ZNF574: variants seen among roughly 807,000 people sequenced by gnomAD.
ZNF574 encodes zinc finger protein 574.
A neutral mutation model predicts 56.6 loss-of-function variants in ZNF574; 25 were observed. The ratio of observed to expected loss-of-function variants is 0.44; its 90% confidence interval spans 0.32 to 0.62. The LOEUF (loss-of-function observed/expected upper bound fraction) is 0.62. Among genes scored for constraint, ZNF574 ranks in the 20% least tolerant of loss-of-function variants. The probability of loss-of-function intolerance (pLI) is 0.04; values close to 1 mark genes in which losing one functional copy is unlikely to be tolerated. For synonymous variants in ZNF574, 543 were observed against 492.1 expected (o/e 1.10, Z -1.37); for missense variants, 1,065 against 1,218.9 (o/e 0.87, Z 1.88).
At chr19:42,069,241 G>A (rs1353682192) in intron 1 of ZNF574, 2 of 279,668 alleles carry the variant, frequency 7.2e-6, no homozygotes, top group Admixed American at 5.3e-5. Context: ...AGACACTCAC[G>A]GATCCTGGTG....
In ZNF574 at chr19:42,081,544, T is replaced by G; in HGVS notation, c.*247T>G. On this transcript the variant is annotated 3_prime_UTR_variant, in exon 2 of 2. Transcript: ENST00000359044. ...AATGAAACCATCAATAAAGACTGAG[T>G]TGCCAGCAGTGTGTAGAGTGGAATT... is the stretch of plus-strand genomic sequence containing the variant. 2 of 578,616 alleles carry G rather than the reference T, an allele frequency of 3.5e-6. No individual in the cohort carries two copies. The highest frequency in any genetic ancestry group is 3.1e-5 in the East Asian group (1 of 32,142). 35.8% of individuals were successfully genotyped at this position (578,616 alleles called of 1,614,324 possible).
At chr19:42,071,970 C>G (rs1247020642), upstream of ZNF574, among the ~76,000 whole-genome samples, 1 of 151,632 alleles carries the variant, frequency 6.6e-6, no homozygotes, top group African/African-American at 2.4e-5. Context: ...TGCCACTGCA[C>G]TCCAGCATGG....
chr19:42,080,673 T>C lies in ZNF574; in HGVS notation c.2067T>C (p.His689=), dbSNP rs2076492731. ...AARLQAHEAA[H]AAAGPGEVLA... The stretch of plus-strand genomic sequence containing the variant: ...GACTGCAGGCACACGAGGCGGCCCA[T>C]GCAGCTGCTGGGCCTGGAGAGGTCC... Residue 689 remains histidine, a synonymous_variant, in exon 2 of 2, where the codon CAT becomes CAC. Coordinates refer to ENST00000359044, the MANE Select transcript of ZNF574 (RefSeq NM_022752.6). This position sits in a 1 kb window ranked among gnomAD's most constrained non-coding sequence, Gnocchi z 8.5. 6.2e-7 allele frequency: 1 copy of C among 1,612,982 alleles called. No homozygotes were observed. Among genetic ancestry groups the C allele is most frequent in the African/African-American group, 1.3e-5 (1 of 74,912 alleles).
chr19:42,081,402 C>A lies in ZNF574; in HGVS notation c.*105C>A. 7.0e-7 allele frequency: 1 copy of A among 1,432,144 alleles called. No individual in the cohort carries two copies. Among genetic ancestry groups the A allele is most frequent in the Non-Finnish European group, 9.8e-7 (1 of 1,022,310 alleles). The allele number at this position is 1,432,144 out of a possible 1,614,324, so 88.7% of individuals were successfully genotyped here. A position where few individuals can be genotyped will look rare whatever the true frequency, so the allele number is the denominator to read the frequency against. ...CTGTGTCCCTTCCTCTTCCCATCCCCACCACCTTGTAAGTTCTAAATTGGA... is the reference window on the plus strand; with the variant it reads ...CTGTGTCCCTTCCTCTTCCCATCCCAACCACCTTGTAAGTTCTAAATTGGA... On this transcript the variant is annotated 3_prime_UTR_variant, in exon 2 of 2. Transcript: ENST00000359044.
In ZNF574 at chr19:42,080,421, C is replaced by A; in HGVS notation, c.1815C>A (p.Tyr605Ter). ...LMHRYHHTGEYPYKCRECPRS... is the reference protein window; with the variant it reads ...LMHRYHHTGE Reference sequence around the variant, plus strand: ...ACCGCTACCATCACACAGGTGAATACCCCTACAAGTGTCGCGAGTGCCCCC... The same window carrying A: ...ACCGCTACCATCACACAGGTGAATAACCCTACAAGTGTCGCGAGTGCCCCC... Residue 605 changes from tyrosine (Y) to a stop codon, truncating the protein, a stop_gained, in exon 2 of 2, where the codon TAC (tyrosine) becomes TAA (stop). Transcript: ENST00000359044. LOFTEE classifies it high-confidence loss of function. This position sits in a 1 kb window ranked among gnomAD's most constrained non-coding sequence, Gnocchi z 8.5. The A allele has an allele frequency of 6.2e-7, 1 of 1,614,228 alleles. No homozygotes were observed. Among genetic ancestry groups the A allele is most frequent in the Non-Finnish European group, 8.5e-7 (1 of 1,180,032 alleles).
chr19:42,069,689 A>AGGAAGCC (rs2076396805), intron 1 of ZNF574, among the ~76,000 whole-genome samples: 1 of 124,622 alleles, frequency 8.0e-6, no homozygotes, highest in East Asian at 2.6e-4. Context: ...GGTGGAGAAA[A>AGGAAGCC]GGAAGCCGGC....
chr19:42,069,898 C>A (rs1318844052), intron 1 of ZNF574, among the ~76,000 whole-genome samples: 1 of 151,890 alleles, frequency 6.6e-6, no homozygotes, highest in Non-Finnish European at 1.5e-5. Context: ...AGCTGGGAGA[C>A]CCGGAGAGGC....
upstream of ZNF574, among the ~76,000 whole-genome samples, chr19:42,072,323 C>T (rs1452086602): frequency 6.6e-6 from 1 of 150,878 alleles, no homozygotes; most frequent in African/African-American, 2.4e-5. Flanking sequence ...CAAGCTCTGC[C>T]TCCTGGGTTC....
intron 1 of ZNF574, 121 bp from the exon 2 acceptor site, chr19:42,078,465 TA>T: frequency 2.3e-6 from 2 of 882,478 alleles, no homozygotes; most frequent in Non-Finnish European, 3.5e-6. Flanking sequence ...GGCAGAATTT[TA>T]AAAATCGAAG....
intron 1 of ZNF574, chr19:42,069,218 A>C: frequency 6.4e-6 from 2 of 312,920 alleles, no homozygotes; most frequent in Non-Finnish European, 5.8e-6. Context: ...ACCCAGCCCA[A>C]TCCCTGCCCT....
chr19:42,078,679 T>C lies in ZNF574; in HGVS notation c.73T>C (p.Tyr25His). Residue 25 changes from tyrosine (Y) to histidine (H), a missense_variant, in exon 2 of 2, where the codon TAT (tyrosine) becomes CAT (histidine). Tyr to His is a moderately conservative substitution (Grantham distance 83). Coordinates refer to ENST00000359044, the MANE Select transcript of ZNF574 (RefSeq NM_022752.6). ...TGTCTGCTCTGAGTGCAACCAGCTG[T>C]ATGGATCACTGGAAGAGGTGCTTAT... ...RYVCSECNQLYGSLEEVLMHQ... is the reference protein window; with the variant it reads ...RYVCSECNQLHGSLEEVLMHQ... 6.2e-7 allele frequency: 1 copy of C among 1,614,050 alleles called. No homozygotes were observed. Among genetic ancestry groups the C allele is most frequent in the Non-Finnish European group, 8.5e-7 (1 of 1,179,964 alleles).
At chr19:42,069,426 G>A (rs1225212293) in intron 1 of ZNF574, 2 of 151,526 alleles carry the variant, frequency 1.3e-5, no homozygotes, top group African/African-American at 4.9e-5. Context: ...CAGGGAGGAA[G>A]GACAGGTGGA....
upstream of ZNF574, among the ~76,000 whole-genome samples, chr19:42,074,434 G>A (rs1308731330): frequency 2.0e-5 from 3 of 150,992 alleles, no homozygotes; most frequent in Admixed American, 6.6e-5. Flanking sequence ...CAGCCTGGGC[G>A]GCAGAGAAAG....
At chr19:42,071,427 G>T (rs1350196101), upstream of ZNF574, among the ~76,000 whole-genome samples, 1 of 152,144 alleles carries the variant, frequency 6.6e-6, no homozygotes, top group African/African-American at 2.4e-5. Context: ...CAGCATATGT[G>T]ACCGCATGCC....
chr19:42,072,218 TTC>T (rs779792914), upstream of ZNF574, among the ~76,000 whole-genome samples: 1 of 151,474 alleles, frequency 6.6e-6, no homozygotes, highest in Non-Finnish European at 1.5e-5. Flanking sequence ...TCCTCAAATT[TTC>T]TTTTTTTTTC....
chr19:42,079,639 T>C lies in ZNF574; in HGVS notation c.1033T>C (p.Phe345Leu), dbSNP rs1160685189. 6.2e-7 allele frequency: 1 copy of C among 1,614,086 alleles called. No individual in the cohort carries two copies. The highest frequency in any genetic ancestry group is 2.2e-5 in the East Asian group (1 of 44,866). The change falls in exon 2 of 2, where the codon TTC (phenylalanine) becomes CTC (leucine). Residue 345 changes from phenylalanine to leucine, a missense_variant. Coordinates refer to ENST00000359044, the MANE Select transcript of ZNF574 (RefSeq NM_022752.6). The surrounding 1 kb of genome is among the most constrained non-coding windows in gnomAD (Gnocchi z 4.3). ...TAAGTGCCCCCTGTGCAGTCGTGTCTTCCCTAGCCCTTCCAGTCTGGACCA... is the reference window on the plus strand; with the variant it reads ...TAAGTGCCCCCTGTGCAGTCGTGTCCTCCCTAGCCCTTCCAGTCTGGACCA... Reference protein sequence around the residue: ...VFKCPLCSRVFPSPSSLDQHL... With the variant: ...VFKCPLCSRVLPSPSSLDQHL...
rs773439711 is a variant in ZNF574, at chr19:42,081,312, C to G, written c.*15C>G. On this transcript the variant is annotated 3_prime_UTR_variant, in exon 2 of 2. Transcript: ENST00000359044. Reference sequence around the variant, plus strand: ...TCAGTGGCTGACTCTGCCCGACTTCCTCTTTGGCACCTCCATTCCCTGTTG... The same window carrying G: ...TCAGTGGCTGACTCTGCCCGACTTCGTCTTTGGCACCTCCATTCCCTGTTG... The G allele has an allele frequency of 2.5e-6, 4 of 1,614,120 alleles. No individual in the cohort carries two copies. The South Asian group carries it at 4.4e-5, about 18-fold the overall frequency.
rs545641869 is a variant in ZNF574 at position 42,078,959 on chromosome 19, C to G, written c.353C>G (p.Pro118Arg). The G allele has an allele frequency of 6.2e-7, 1 of 1,613,976 alleles. No homozygotes were observed. Among genetic ancestry groups the G allele is most frequent in the African/African-American group, 1.3e-5 (1 of 74,916 alleles). Reference protein sequence around the residue: ...VPAEPSPKAPPLSSSTIHYEC... With the variant: ...VPAEPSPKAPRLSSSTIHYEC... ...GCTGAGCCATCACCTAAGGCACCAC[C>G]CCTGAGCTCCAGCACCATCCACTAC... Residue 118 changes from proline to arginine, a missense_variant, in exon 2 of 2, where the codon CCC (proline) becomes CGC (arginine). Physicochemically the swap from Pro to Arg is moderately radical, Grantham distance 103. Transcript: ENST00000359044.
Position 42,081,486 on chromosome 19 carries a change from C to G in ZNF574, c.*189C>G, listed in dbSNP as rs955245265. The G allele has an allele frequency of 2.8e-6, 2 of 714,666 alleles. No individual in the cohort carries two copies. Among genetic ancestry groups the G allele is most frequent in the Admixed American group, 2.5e-5 (1 of 40,618 alleles). 44.3% of individuals were successfully genotyped at this position (714,666 alleles called of 1,614,324 possible). A position where few individuals can be genotyped will look rare whatever the true frequency, so the allele number is the denominator to read the frequency against. ...CTTGACACACATAAAGGTGCCCCCC[C>G]ACCTTCCACCTCTTAGCACTGGTGA... On this transcript the variant is annotated 3_prime_UTR_variant, in exon 2 of 2. Transcript: ENST00000359044.
Sources: allele counts gnomAD v4.1 joint callset (sites outside exome capture counted in the v4.1 genomes callset), GRCh38; gene constraint gnomAD v4.1.1; non-coding constraint Gnocchi (gnomAD v3.1); transcripts MANE v1.5; gene names NCBI Gene and HGNC (gene_info 2026-07-23, HGNC 2026-07-21).